The following WDR72 variants were observed in gnomAD, a reference collection of about 807,000 sequenced individuals.
WDR72 encodes WD repeat-containing protein 72.
WDR72 carries 120 observed loss-of-function variants against 124.2 expected under a neutral mutation model. The observed-to-expected ratio is 0.97, with a 90% CI of 0.83 to 1.12. The LOEUF (loss-of-function observed/expected upper bound fraction) is 1.12, where lower values mean the gene tolerates loss of function less well. WDR72 is among the 50% of genes most tolerant of loss of function. The pLI, the probability that WDR72 is intolerant of heterozygous loss-of-function variation, is 0.00. For missense variants in WDR72, 1,387 were observed against 1,278.8 expected, an observed-to-expected ratio of 1.08 and a Z score of -1.29; for synonymous variants, 452 against 441.7, an observed-to-expected ratio of 1.02 and a Z score of -0.29.
chr15:53,707,744 C>T (rs2017423317), intron 9 of WDR72, among the ~76,000 whole-genome samples: 1 of 152,162 alleles, frequency 6.6e-6, no homozygotes, highest in East Asian at 1.9e-4. Flanking sequence ...CTGCGCCCGG[C>T]CAATAAATTT....
chr15:53,589,013 G>C (rs1211632654), intron 18 of WDR72, among the ~76,000 whole-genome samples: 1 of 151,868 alleles, frequency 6.6e-6, no homozygotes, highest in Non-Finnish European at 1.5e-5. Context: ...AACAATGTTT[G>C]AGGCAGCGGC....
At chr15:53,568,074 T>C (rs994466886) in intron 18 of WDR72, among the ~76,000 whole-genome samples, 1 of 736 alleles carries the variant, frequency 1.4e-3, no homozygotes, top group African/African-American at 3.7e-3. Flanking sequence ...TTTGTCTTGT[T>C]TTTTTTTTTT....
At chr15:53,695,258 C>A (rs2016967777) in intron 13 of WDR72, among the ~76,000 whole-genome samples, 1 of 152,202 alleles carries the variant, frequency 6.6e-6, no homozygotes, top group Non-Finnish European at 1.5e-5. Flanking sequence ...ACAAGAAATT[C>A]ATTACACAAA....
At position 53,698,015 on chromosome 15, in the gene WDR72, A is replaced by G. The variant is rs142025632; in HGVS notation, c.1765+1735T>C. Among the ~76,000 whole-genome samples, 1,024 of 152,310 alleles carry G rather than the reference A, an allele frequency of 6.7e-3. 3 individuals are homozygous for G. The highest frequency in any genetic ancestry group is 0.02 in the Middle Eastern group (6 of 294). On this transcript the variant is annotated intron_variant, in intron 13 of 19. Coordinates refer to ENST00000360509, the MANE Select transcript of WDR72 (RefSeq NM_182758.4). ...TAGTAGACAAGAGCACTTATTAAGTAGTAGGATAGGATTATTTGTTTTTCT... is the reference window on the plus strand; with the variant it reads ...TAGTAGACAAGAGCACTTATTAAGTGGTAGGATAGGATTATTTGTTTTTCT...
At chr15:53,572,564 A>C (rs1425345195) in intron 18 of WDR72, among the ~76,000 whole-genome samples, 3 of 152,238 alleles carry the variant, frequency 2.0e-5, no homozygotes, top group Non-Finnish European at 4.4e-5. Context: ...ACAATCCATG[A>C]AAGAAAAAAA....
At position 53,571,722 on chromosome 15, in the gene WDR72, A is replaced by C. The variant is rs1436119739; in HGVS notation, c.3148+25357T>G. On this transcript the variant is annotated intron_variant, in intron 18 of 19. Coordinates refer to ENST00000360509, the MANE Select transcript of WDR72 (RefSeq NM_182758.4). The stretch of plus-strand genomic sequence containing the variant: ...GACATGTTGATTTCATTTCCTTGGT[A>C]CTAATCCCAGCAGTGTGATTGCTGA... 4.6e-5 allele frequency among the ~76,000 whole-genome samples: 7 copies of C among 151,834 alleles called. No homozygotes were observed. The East Asian group carries it at 1.2e-3, about 25-fold the overall frequency.
chr15:53,739,164 T>A (rs1397138580), intron 1 of WDR72, among the ~76,000 whole-genome samples: 1 of 151,816 alleles, frequency 6.6e-6, no homozygotes, highest in African/African-American at 2.4e-5. Context: ...AATCAACAGA[T>A]GAGAGACAGA....
chr15:53,611,078 C>T (rs1348224970), intron 16 of WDR72, among the ~76,000 whole-genome samples: 1 of 151,976 alleles, frequency 6.6e-6, no homozygotes, highest in Non-Finnish European at 1.5e-5. Context: ...AGAAAGTATC[C>T]CAGCCTTACC....
rs575724772 is a variant in WDR72, at chr15:53,732,868, C to T, written c.153+129G>A. The T allele has an allele frequency of 1.0e-4, 112 of 1,119,326 alleles. 1 individual carries two copies. In the African/African-American group the frequency reaches 1.6e-3, roughly 16 times the overall value. 69.3% of individuals were successfully genotyped at this position (1,119,326 alleles called of 1,614,324 possible). A position where few individuals can be genotyped will look rare whatever the true frequency, so the allele number is the denominator to read the frequency against. ...TTTTCTCAAAATTCAGAAGTAAAAT[C>T]AATTTATTACTTTAATAAACATCTT... On this transcript the variant is annotated intron_variant, in intron 2 of 19. Coordinates refer to ENST00000360509, the MANE Select transcript of WDR72 (RefSeq NM_182758.4).
rs753647043 is a variant in WDR72 at position 53,716,683 on chromosome 15, T to C, written c.263A>G (p.Glu88Gly). 1.9e-6 allele frequency: 3 copies of C among 1,575,072 alleles called. No homozygotes were observed. Among genetic ancestry groups the C allele is most frequent in the African/African-American group, 2.9e-5 (2 of 69,034 alleles). ...PYIVSAAENGEMCVWNVTNGQ... is the reference protein window; with the variant it reads ...PYIVSAAENGGMCVWNVTNGQ... ...ATTGGTGACATTCCAAACACACATC[T>C]CCCTAGCAGAAGATAACTTTGTGTT... Residue 88 changes from glutamate to glycine, a missense_variant and splice_region_variant, in exon 4 of 20, where the codon GAG (glutamate) becomes GGG (glycine). Glu to Gly is a moderately conservative substitution (Grantham distance 98, BLOSUM62 -2). Transcript: ENST00000360509.
At position 53,517,339 on chromosome 15, in the gene WDR72, T is replaced by C. The variant is rs1891520067; in HGVS notation, c.*360A>G. 1 of 279,510 alleles carries C rather than the reference T, an allele frequency of 3.6e-6. No individual in the cohort carries two copies. Among genetic ancestry groups the C allele is most frequent in the African/African-American group, 2.2e-5 (1 of 45,140 alleles). 17.3% of individuals were successfully genotyped at this position (279,510 alleles called of 1,614,324 possible). On this transcript the variant is annotated 3_prime_UTR_variant, in exon 20 of 20. Transcript: ENST00000360509. The stretch of plus-strand genomic sequence containing the variant: ...ACTACATTGGTTTTAACATTGTTTA[T>C]TATATAATTCAGGGACTAAAAGGAT...
intron 14 of WDR72, among the ~76,000 whole-genome samples, chr15:53,639,967 G>T (rs2014786357): frequency 6.6e-6 from 1 of 152,156 alleles, no homozygotes; most frequent in Non-Finnish European, 1.5e-5. Context: ...TAATCATGGA[G>T]TACAACATAT....
chr15:53,590,242 A>T (rs1441629206), intron 18 of WDR72, among the ~76,000 whole-genome samples: 1 of 152,004 alleles, frequency 6.6e-6, no homozygotes, highest in Non-Finnish European at 1.5e-5. Flanking sequence ...TTCAACTCGT[A>T]TGTGTATGCC....
chr15:53,746,002 T>TA lies in WDR72; in HGVS notation c.-12-12842dup, dbSNP rs150462815. Among the ~76,000 whole-genome samples, 878 of 152,192 alleles carry TA rather than the reference T, an allele frequency of 5.8e-3. 5 individuals are homozygous for TA. The highest frequency in any genetic ancestry group is 0.01 in the Non-Finnish European group (693 of 68,002). ...AATTCCTTCGTTATTTTGGTTGTTC[T>TA]AAAAAAAGAAAAAAATCAAGCAAAA... On this transcript the variant is annotated intron_variant, in intron 1 of 19. Coordinates refer to ENST00000360509, the MANE Select transcript of WDR72 (RefSeq NM_182758.4).
At chr15:53,751,907 T>C (rs1319734242) in intron 1 of WDR72, among the ~76,000 whole-genome samples, 1 of 152,176 alleles carries the variant, frequency 6.6e-6, no homozygotes, top group African/African-American at 2.4e-5. Flanking sequence ...ATAATATCAA[T>C]CTAATAAGGT....
At chr15:53,621,689 C>T (rs755839849) in intron 14 of WDR72, among the ~76,000 whole-genome samples, 27 of 151,914 alleles carry the variant, frequency 1.8e-4, no homozygotes, top group Non-Finnish European at 3.7e-4. Flanking sequence ...GTGTGTGCAG[C>T]GTATAGCTCT....
chr15:53,680,013 G>C (rs1595843497), intron 13 of WDR72, among the ~76,000 whole-genome samples: 1 of 150,282 alleles, frequency 6.7e-6, no homozygotes, highest in Non-Finnish European at 1.5e-5. Context: ...TTTAAATTTT[G>C]GTTATGTTGC....
At chr15:53,707,254 T>C (rs2017407000) in intron 9 of WDR72, among the ~76,000 whole-genome samples, 1 of 152,170 alleles carries the variant, frequency 6.6e-6, no homozygotes, top group South Asian at 2.1e-4. Flanking sequence ...GGCCACGATA[T>C]TGCTACATTT....
chr15:53,749,540 T>A (rs2018725113), intron 1 of WDR72, among the ~76,000 whole-genome samples: 2 of 152,130 alleles, frequency 1.3e-5, no homozygotes, highest in South Asian at 4.1e-4. Context: ...CAATTAATAA[T>A]CCTATAATGG....
Sources: gnomAD v4.1 joint callset for allele counts (sites outside exome capture counted in the v4.1 genomes callset) on GRCh38, gnomAD v4.1.1 for gene constraint, MANE v1.5 for transcripts, NCBI Gene and HGNC (gene_info 2026-07-23, HGNC 2026-07-21) for gene names.